SLC8A1: variants seen among roughly 807,000 people sequenced by gnomAD.
SLC8A1 encodes the protein solute carrier family 8 member A1.
Under a neutral mutation model 68.3 loss-of-function variants are expected in SLC8A1, and 18 were observed. That is an observed-to-expected ratio of 0.26 (90% CI 0.18 to 0.39). The LOEUF (loss-of-function observed/expected upper bound fraction) is 0.39, where lower values mean the gene tolerates loss of function less well. Ranked by LOEUF, SLC8A1 falls within the 10% of genes least tolerant of loss-of-function variation. SLC8A1 has a pLI of 1.00. For missense variants in SLC8A1, 985 were observed against 1,156.7 expected (o/e 0.85, Z 2.15); for synonymous variants, 475 against 415.5 (o/e 1.14, Z -1.74).
intron 2 of SLC8A1, among the ~76,000 whole-genome samples, chr2:40,218,727 G>GAAA (rs55920991): frequency 6.7e-6 from 1 of 148,308 alleles, no homozygotes; most frequent in African/African-American, 2.5e-5. Flanking sequence ...TCTTCTGGGG[G>GAAA]AAAAAAAAAA....
At chr2:40,452,070 G>C (rs936462931), upstream of SLC8A1, 8 of 150,370 alleles carry the variant, frequency 5.3e-5, no homozygotes, top group Non-Finnish European at 8.9e-5. Flanking sequence ...GTGCAGCGCC[G>C]GCGCGAGCGG....
chr2:40,465,763 C>T (rs1212357524), intron 1 of SLC8A1, among the ~76,000 whole-genome samples: 1 of 152,034 alleles, frequency 6.6e-6, no homozygotes, highest in African/African-American at 2.4e-5. Flanking sequence ...CTGAATGTGT[C>T]CCCTAAAATT....
At chr2:40,279,359 G>T (rs2067195731) in intron 2 of SLC8A1, among the ~76,000 whole-genome samples, 1 of 152,174 alleles carries the variant, frequency 6.6e-6, no homozygotes, top group Admixed American at 6.5e-5. Context: ...TGAAAGAAGC[G>T]ATTTGTTCAA....
chr2:40,315,451 T>TTTTTTG (rs1224299553), intron 2 of SLC8A1, among the ~76,000 whole-genome samples: 1 of 151,494 alleles, frequency 6.6e-6, no homozygotes, highest in Non-Finnish European at 1.5e-5. Flanking sequence ...TTTTTTTTTT[T>TTTTTTG]TTTTGGAATT....
chr2:40,100,008 A>G (rs1351935398), exon 8 of SLC8A1: 1 of 152,108 alleles, frequency 6.6e-6, no homozygotes. Flanking sequence ...GTCTGTAAAA[A>G]TTAATAGATG....
intron 2 of SLC8A1, among the ~76,000 whole-genome samples, chr2:40,359,966 C>A (rs146362409): frequency 6.6e-6 from 1 of 150,792 alleles, no homozygotes; most frequent in Non-Finnish European, 1.5e-5. Context: ...TAATGAGTAA[C>A]GGCTGTGCAA....
intron 2 of SLC8A1, among the ~76,000 whole-genome samples, chr2:40,389,373 T>C (rs1684582858): frequency 6.6e-6 from 1 of 152,140 alleles, no homozygotes; most frequent in African/African-American, 2.4e-5. Flanking sequence ...AGCCTTAAGC[T>C]ATCAGTTTGC....
At chr2:40,489,058 C>T (rs935290053) in intron 1 of SLC8A1, among the ~76,000 whole-genome samples, 15 of 152,088 alleles carry the variant, frequency 9.9e-5, no homozygotes, top group Admixed American at 5.2e-4. Context: ...TATTCTGTGT[C>T]GGGAACAGCA....
chr2:40,118,870 C>T (rs1420223317), intron 7 of SLC8A1, among the ~76,000 whole-genome samples: 1 of 151,932 alleles, frequency 6.6e-6, no homozygotes, highest in African/African-American at 2.4e-5. Flanking sequence ...ATAGAACACA[C>T]CTGCTTACCT....
rs144063648 is a variant in SLC8A1, at chr2:40,416,732, TC to T, written c.1808+11740del. ...TAATGAGCCAAGTTGGTTCTGGAAC[TC>T]CTGACTCCTAAATACTTGTTTCCTT... On this transcript the variant is annotated intron_variant, in intron 2 of 7. Coordinates refer to ENST00000406785, the Ensembl canonical transcript of SLC8A1. Among the ~76,000 whole-genome samples, 1,372 of 152,208 alleles carry T rather than the reference TC, an allele frequency of 9.0e-3. 17 individuals carry two copies. The highest frequency in any genetic ancestry group is 0.032 in the African/African-American group (1,309 of 41,550).
chr2:40,390,800 T>G (rs760060953), intron 2 of SLC8A1, among the ~76,000 whole-genome samples: 10 of 152,162 alleles, frequency 6.6e-5, no homozygotes, highest in Non-Finnish European at 1.2e-4. Context: ...TTTTGTCCAA[T>G]CACTCCAAGT....
chr2:40,232,660 T>C lies in SLC8A1; in HGVS notation c.1809-54805A>G, dbSNP rs1288390807. 3.4e-5 allele frequency among the ~76,000 whole-genome samples: 5 copies of C among 146,664 alleles called. No individual in the cohort carries two copies. In the East Asian group the frequency reaches 9.8e-4, roughly 29 times the overall value. On this transcript the variant is annotated intron_variant, in intron 2 of 7. Transcript: ENST00000406785. ...ACATGTGCACATTGTGCAGGTTAGT[T>C]ACATACGTATACATGTGCCATGCTG...
At chr2:40,491,251 G>C (rs914821051) in intron 1 of SLC8A1, among the ~76,000 whole-genome samples, 3 of 152,094 alleles carry the variant, frequency 2.0e-5, no homozygotes. Context: ...AAGCAATTGT[G>C]AATGGGAGTT....
Position 40,165,566 on chromosome 2 carries a change from CT to C in SLC8A1, c.1931-583del, listed in dbSNP as rs2046409446. On this transcript the variant is annotated intron_variant, in intron 4 of 7. Coordinates refer to ENST00000406785, the Ensembl canonical transcript of SLC8A1. ...ATCCATTCCATATTTCTGTGAGACG[CT>C]TGGGCTCCAGTGCTGCTTCAGTCTG... Among the ~76,000 whole-genome samples the C allele has an allele frequency of 2.0e-5, 3 of 152,164 alleles. No individual in the cohort carries two copies. In the South Asian group the frequency reaches 6.2e-4, roughly 31 times the overall value.
chr2:40,356,275 A>G (rs1469312800), intron 2 of SLC8A1, among the ~76,000 whole-genome samples: 1 of 152,170 alleles, frequency 6.6e-6, no homozygotes, highest in Non-Finnish European at 1.5e-5. Context: ...TCATTTCCTC[A>G]GCATCAATTG....
intron 2 of SLC8A1, among the ~76,000 whole-genome samples, chr2:40,236,465 C>A (rs1189112554): frequency 6.6e-6 from 1 of 152,162 alleles, no homozygotes; most frequent in Non-Finnish European, 1.5e-5. Flanking sequence ...AGATCTTCCT[C>A]CATCCTTTTA....
intron 2 of SLC8A1, among the ~76,000 whole-genome samples, chr2:40,286,137 C>T (rs1392564746): frequency 1.3e-5 from 2 of 152,092 alleles, no homozygotes; most frequent in African/African-American, 4.8e-5. Flanking sequence ...AGATGTCTGT[C>T]CAGTCAATGA....
intron 1 of SLC8A1, among the ~76,000 whole-genome samples, 168 bp downstream of exon 1, chr2:40,451,736 A>ACCACACAC (rs1559735616): frequency 8.6e-5 from 4 of 46,414 alleles, no homozygotes; most frequent in African/African-American, 2.3e-4. Context: ...CACACACCAC[A>ACCACACAC]TCACACACAC....
At chr2:40,368,773 G>C (rs1677066714) in intron 2 of SLC8A1, among the ~76,000 whole-genome samples, 1 of 151,516 alleles carries the variant, frequency 6.6e-6, no homozygotes, top group South Asian at 2.1e-4. Context: ...CCCTCTATGT[G>C]CCTGACTTCA....
Sources: allele counts gnomAD v4.1 joint callset (sites outside exome capture counted in the v4.1 genomes callset), GRCh38; gene constraint gnomAD v4.1.1; transcripts MANE v1.5; gene names NCBI Gene and HGNC (gene_info 2026-07-23, HGNC 2026-07-21).